Variants in CRTC1 observed in about 807,000 individuals in gnomAD.
CRTC1 encodes the protein CREB regulated transcription coactivator 1.
CRTC1 carries 18 observed loss-of-function variants against 66.1 expected under a neutral mutation model. That is an observed-to-expected ratio of 0.27 (90% CI 0.19 to 0.40). CRTC1 has a LOEUF of 0.40. Among genes scored for constraint, CRTC1 ranks in the 10% least tolerant of loss-of-function variants. The pLI, the probability that CRTC1 is intolerant of heterozygous loss-of-function variation, is 1.00. For synonymous variants in CRTC1, 416 were observed against 398.8 expected (o/e 1.04, Z -0.51); for missense variants, 669 against 887.9 (o/e 0.75, Z 3.13).
At chr19:18,759,933 C>CCCGCCAGCCCCCGTCCCCG in intron 7 of CRTC1, 75 bp from the exon 8 acceptor site, 2 of 991,358 alleles carry the variant, frequency 2.0e-6, no homozygotes. Flanking sequence ...CTGATTTTCT[C>CCCGCCAGCCCCCGTCCCCG]CCGCCAGCCC....
Position 18,768,229 on chromosome 19 carries a change from G to A in CRTC1, c.1012-256G>A, listed in dbSNP as rs2054779043. ...TGGACTGGCCTGAGCTGCACGGCAT[G>A]TAGTGCGGGTGCAGGCACAACAAGC... On this transcript the variant is annotated intron_variant, in intron 9 of 13. Transcript: ENST00000321949. The surrounding 1 kb of genome is among the most constrained non-coding windows in gnomAD (Gnocchi z 5.6). Among the ~76,000 whole-genome samples the A allele has an allele frequency of 6.6e-6, 1 of 152,208 alleles. No homozygotes were observed. Among genetic ancestry groups the A allele is most frequent in the Admixed American group, 6.5e-5 (1 of 15,292 alleles).
chr19:18,716,396 C>T (rs2003474), intron 1 of CRTC1, among the ~76,000 whole-genome samples: 2 of 152,210 alleles, frequency 1.3e-5, no homozygotes, highest in South Asian at 2.1e-4. Flanking sequence ...GGATTACAGG[C>T]GTCTGCCACC....
At position 18,710,319 on chromosome 19, in the gene CRTC1, G is replaced by A. The variant is rs2145578690; in HGVS notation, c.126+26491G>A. On this transcript the variant is annotated intron_variant, in intron 1 of 13. Transcript: ENST00000321949. ...AAGGACTTGTGGCTTCCCCTGCTGT[G>A]GACTCCCCGTTCCTCGACGTCCCTC... Among the ~76,000 whole-genome samples, 3 of 152,322 alleles carry A rather than the reference G, an allele frequency of 2.0e-5. No homozygotes were observed. The South Asian group carries it at 6.2e-4, about 32-fold the overall frequency.
chr19:18,744,095 T>C (rs1324533015), intron 2 of CRTC1: 1 of 1,612,990 alleles, frequency 6.2e-7, no homozygotes, highest in Non-Finnish European at 8.5e-7. Context: ...GTCTCGGTTC[T>C]TTGCATTTTC....
intron 1 of CRTC1, among the ~76,000 whole-genome samples, chr19:18,684,884 T>TCTTCC (rs10681112): frequency 0.67 from 100,971 of 151,480 alleles, 35,384 homozygotes; most frequent in African/African-American, 0.9. Flanking sequence ...GGCCTCAGTT[T>TCTTCC]CTTGTCAGGC....
At position 18,751,026 on chromosome 19, in the gene CRTC1, C is replaced by A. The variant is rs147486515; in HGVS notation, c.538+1151C>A. Among the ~76,000 whole-genome samples, 1,131 of 152,268 alleles carry A rather than the reference C, an allele frequency of 7.4e-3. 7 individuals carry two copies. The highest frequency in any genetic ancestry group is 0.011 in the Non-Finnish European group (748 of 68,014). ...AGCTGTGACATGGGACCCCTGGTGG[C>A]CTTGGAGTGGGGGCCTGGCAGGGAC... On this transcript the variant is annotated intron_variant, in intron 5 of 13. Coordinates refer to ENST00000321949, the MANE Select transcript of CRTC1 (RefSeq NM_015321.3).
At chr19:18,775,086 C>A in intron 12 of CRTC1, 100 bp downstream of exon 12, 2 of 1,188,890 alleles carry the variant, frequency 1.7e-6, no homozygotes, top group Non-Finnish European at 2.4e-6. Context: ...GCTGCACGTG[C>A]TCGGGGGGCC....
rs540596998 is a variant in CRTC1 at position 18,770,913 on chromosome 19, C to T, written c.1321-529C>T. On this transcript the variant is annotated intron_variant, in intron 10 of 13. Transcript: ENST00000321949. ...GCATGTGTGCATTTGTGGGTATGTA[C>T]GTTTGTGTGTGGATGTGTGCCTGTG... is the stretch of plus-strand genomic sequence containing the variant. Among the ~76,000 whole-genome samples the T allele has an allele frequency of 6.3e-5, 9 of 142,160 alleles. No homozygotes were observed. The South Asian group carries it at 1.4e-3, about 22-fold the overall frequency. The allele number at this position is 142,160 out of a possible 152,430, so 93.3% of individuals were successfully genotyped here.
chr19:18,750,968 A>T (rs2054350328), intron 5 of CRTC1, among the ~76,000 whole-genome samples: 1 of 152,076 alleles, frequency 6.6e-6, no homozygotes, highest in Non-Finnish European at 1.5e-5. Context: ...ACAGGATGTC[A>T]CCATCCCCTG....
At chr19:18,726,058 G>A (rs1046608220) in intron 1 of CRTC1, among the ~76,000 whole-genome samples, 4 of 152,220 alleles carry the variant, frequency 2.6e-5, no homozygotes, top group African/African-American at 9.6e-5. Context: ...GTTGAGGCCG[G>A]GCCCTGGAAC....
chr19:18,765,532 C>G lies in CRTC1; in HGVS notation c.1011+4C>G. On this transcript the variant is annotated splice_donor_region_variant and intron_variant, in intron 9 of 13. Coordinates refer to ENST00000321949, the MANE Select transcript of CRTC1 (RefSeq NM_015321.3). ...CCCGCTGTCACCCATCACTCAGGTGCGAGGGCAAGGTGGGGGGCAGGTGGG... is the reference window on the plus strand; with the variant it reads ...CCCGCTGTCACCCATCACTCAGGTGGGAGGGCAAGGTGGGGGGCAGGTGGG... 6.3e-7 allele frequency: 1 copy of G among 1,599,852 alleles called. No homozygotes were observed. The highest frequency in any genetic ancestry group is 8.5e-7 in the Non-Finnish European group (1 of 1,176,094).
rs748757983 is a variant in CRTC1, at chr19:18,777,414, TC to T, written c.*35del. The T allele has an allele frequency of 3.5e-5, 56 of 1,585,826 alleles. No individual in the cohort carries two copies. In the African/African-American group the frequency reaches 5.5e-4, roughly 16 times the overall value. On this transcript the variant is annotated 3_prime_UTR_variant, in exon 14 of 14. Coordinates refer to ENST00000321949, the MANE Select transcript of CRTC1 (RefSeq NM_015321.3). The surrounding 1 kb of genome is among the most constrained non-coding windows in gnomAD (Gnocchi z 5.5). The stretch of plus-strand genomic sequence containing the variant: ...ACGCCGGCACCCTGCCGCTCAGCCG[TC>T]CCGACGGCGCCTCCCCAGCCCGGGG...
intron 1 of CRTC1, among the ~76,000 whole-genome samples, chr19:18,685,513 C>T (rs779464318): frequency 5.3e-5 from 8 of 152,020 alleles, no homozygotes; most frequent in South Asian, 2.1e-4. Flanking sequence ...AAAAATTAGC[C>T]GGACGTGGTG....
At chr19:18,719,837 G>A (rs543212040) in intron 1 of CRTC1, among the ~76,000 whole-genome samples, 3 of 152,352 alleles carry the variant, frequency 2.0e-5, no homozygotes, top group Admixed American at 6.5e-5. Context: ...GGTTAGGTCC[G>A]GCACCTGTCA....
Position 18,743,014 on chromosome 19 carries a change from C to G in CRTC1, c.231C>G (p.Asp77Glu). Residue 77 changes from aspartate (D) to glutamate (E), a missense_variant, in exon 2 of 14, where the codon GAC becomes GAG. Transcript: ENST00000321949. Reference protein sequence around the residue: ...NVNQIGSGTMDLPFQTPFQSS... With the variant: ...NVNQIGSGTMELPFQTPFQSS... ...ACCAGATCGGGAGTGGCACCATGGACCTGCCCTTCCAGGTGAGTGCCCCGC... is the reference window on the plus strand; with the variant it reads ...ACCAGATCGGGAGTGGCACCATGGAGCTGCCCTTCCAGGTGAGTGCCCCGC... 6.2e-7 allele frequency: 1 copy of G among 1,612,450 alleles called. No individual in the cohort carries two copies. The highest frequency in any genetic ancestry group is 8.5e-7 in the Non-Finnish European group (1 of 1,179,236).
At chr19:18,690,206 C>G (rs1381069886) in intron 1 of CRTC1, among the ~76,000 whole-genome samples, 1 of 152,020 alleles carries the variant, frequency 6.6e-6, no homozygotes, top group African/African-American at 2.4e-5. Flanking sequence ...AAAAAGTACC[C>G]AGGCAAGACA....
At chr19:18,774,777 TCATC>T in intron 11 of CRTC1, 119 bp from the exon 12 acceptor site, 1 of 851,394 alleles carries the variant, frequency 1.2e-6, no homozygotes, top group Non-Finnish European at 1.9e-6. Flanking sequence ...ATAAGCATCA[TCATC>T]AGCCTCCTGC....
In CRTC1 at chr19:18,768,576, A is replaced by G; in HGVS notation, c.1103A>G (p.Gln368Arg). 6 of 1,582,112 alleles carry G rather than the reference A, an allele frequency of 3.8e-6. No homozygotes were observed. Among genetic ancestry groups the G allele is most frequent in the African/African-American group, 1.4e-5 (1 of 73,706 alleles). ...AGSQQPPPQP[Q>R]PPPPPPPASQ... The stretch of plus-strand genomic sequence containing the variant: ...TCCCAGCAGCCACCGCCGCAGCCCC[A>G]GCCCCCGCCGCCTCCTCCACCCGCG... The change falls in exon 10 of 14, where the codon CAG becomes CGG. Residue 368 changes from glutamine to arginine, a missense_variant. Transcript: ENST00000321949. The surrounding 1 kb of genome is among the most constrained non-coding windows in gnomAD (Gnocchi z 5.6).
intron 1 of CRTC1, among the ~76,000 whole-genome samples, chr19:18,738,021 G>A (rs1168523927): frequency 6.6e-6 from 1 of 152,160 alleles, no homozygotes; most frequent in African/African-American, 2.4e-5. Flanking sequence ...TGTTGGAGGA[G>A]TCAGAAGTTA....
Sources: allele counts gnomAD v4.1 joint callset (sites outside exome capture counted in the v4.1 genomes callset), GRCh38; gene constraint gnomAD v4.1.1; non-coding constraint Gnocchi (gnomAD v3.1); transcripts MANE v1.5; gene names NCBI Gene and HGNC (gene_info 2026-07-23, HGNC 2026-07-21).